The following PCBP2 variants were observed in gnomAD, a reference collection of about 807,000 sequenced individuals.
The protein encoded by PCBP2 is poly(rC) binding protein 2, also known as poly(rC)-binding protein 2.
PCBP2 carries 4 observed loss-of-function variants against 50.1 expected under a neutral mutation model. That is an observed-to-expected ratio of 0.08 (90% CI 0.04 to 0.18). The LOEUF is 0.18. Ranked by LOEUF, PCBP2 falls within the 10% of genes least tolerant of loss-of-function variation. The pLI is 1.00. For synonymous variants in PCBP2, 179 were observed against 168.0 expected, an observed-to-expected ratio of 1.07 and a Z score of -0.51; for missense variants, 161 against 474.3, an observed-to-expected ratio of 0.34 and a Z score of 6.14.
At chr12:53,471,860 T>C in intron 14 of PCBP2, 53 bp downstream of exon 14, 3 of 1,518,208 alleles carry the variant, frequency 2.0e-6, no homozygotes, top group Non-Finnish European at 2.7e-6. Context: ...AATGTGTGTG[T>C]TGGGGAGAGC....
chr12:53,459,457 C>T, intron 6 of PCBP2, 54 bp downstream of exon 6: 6 of 1,547,690 alleles, frequency 3.9e-6, no homozygotes, highest in Non-Finnish European at 5.3e-6. Flanking sequence ...TCCAAATTGG[C>T]TCTTTGTATG....
At chr12:53,465,057 T>A (rs77806398) in intron 9 of PCBP2, 129 of 443,052 alleles carry the variant, frequency 2.9e-4, no homozygotes, top group Middle Eastern at 6.1e-4. Context: ...TTTTTTTTTT[T>A]AATTTTTTTT....
rs368962465 is a variant in PCBP2 at position 53,464,803 on chromosome 12, C to G, written c.623C>G (p.Thr208Ser). 1.9e-6 allele frequency: 3 copies of G among 1,611,838 alleles called. No individual in the cohort carries two copies. The highest frequency in any genetic ancestry group is 2.7e-5 in the African/African-American group (2 of 74,684). Residue 208 changes from threonine to serine, a missense_variant, in exon 9 of 15, where the codon ACC becomes AGC. Transcript: ENST00000546463. ...AGCGACAGTGCGAGCTTTCCCCACA[C>G]CACCCCGTCCATGTGCCTCAACCCT... ...TGSDSASFPHTTPSMCLNPDL... is the reference protein window; with the variant it reads ...TGSDSASFPHSTPSMCLNPDL...
intron 14 of PCBP2, among the ~76,000 whole-genome samples, chr12:53,478,805 CAATA>C (rs1291673680): frequency 2.8e-4 from 43 of 152,008 alleles, no homozygotes; most frequent in African/African-American, 1.0e-3. Context: ...GACTCTGTCT[CAATA>C]AATAAGTAAA....
chr12:53,464,508 A>G (rs1565864724), intron 8 of PCBP2: 5 of 445,948 alleles, frequency 1.1e-5, no homozygotes, highest in Non-Finnish European at 2.0e-5. Context: ...CACACTGACC[A>G]GGAGCTGGCA....
At chr12:53,453,093 C>T (rs1383821374) in intron 1 of PCBP2, 3 of 151,964 alleles carry the variant, frequency 2.0e-5, no homozygotes, top group Non-Finnish European at 4.4e-5. Context: ...GTACCTTTAT[C>T]TTGACCTAGT....
chr12:53,467,292 T>C lies in PCBP2; in HGVS notation c.786T>C (p.Ser262=). 1 of 1,610,570 alleles carries C rather than the reference T, an allele frequency of 6.2e-7. No individual in the cohort carries two copies. Among genetic ancestry groups the C allele is most frequent in the Non-Finnish European group, 8.5e-7 (1 of 1,176,752 alleles). ...FPMTHGNTGF[S]GIESSSPEVK... ...TGACGCATGGCAACACCGGATTCAG[T>C]GGTATGGATACCTCAGTGTTTATTT... Residue 262 remains serine (S), a splice_region_variant and synonymous_variant, in exon 11 of 15, where the codon AGT becomes AGC. Transcript: ENST00000546463.
Position 53,455,644 on chromosome 12 carries a change from GTA to G in PCBP2, c.126+153_126+154del, listed in dbSNP as rs1188540510. 5.9e-6 allele frequency: 5 copies of G among 848,526 alleles called. No individual in the cohort carries two copies. The African/African-American group carries it at 8.6e-5, about 15-fold the overall frequency. 52.6% of individuals were successfully genotyped at this position (848,526 alleles called of 1,614,324 possible). A position where few individuals can be genotyped will look rare whatever the true frequency, so the allele number is the denominator to read the frequency against. ...TATTTGTAGTGATAATCTGGGGAGTGTATTTTTTTTTTCCCCTTTTTGGGAAG... is the reference window on the plus strand; with the variant it reads ...TATTTGTAGTGATAATCTGGGGAGTGTTTTTTTTTTCCCCTTTTTGGGAAG... On this transcript the variant is annotated intron_variant, in intron 4 of 14. Transcript: ENST00000546463.
intron 14 of PCBP2, among the ~76,000 whole-genome samples, chr12:53,478,298 A>G (rs1385890143): frequency 6.6e-6 from 1 of 152,162 alleles, no homozygotes; most frequent in Non-Finnish European, 1.5e-5. Flanking sequence ...ACCTGAGGTC[A>G]GAAGTTTGAG....
Position 53,466,997 on chromosome 12 carries a change from A to G in PCBP2, c.715-224A>G, listed in dbSNP as rs12831185. ...TGTTGCTTTTCTATTCCCACACCCA[A>G]AAGGCATTCATTCTCTTCCAGGCAC... On this transcript the variant is annotated intron_variant, in intron 10 of 14. Transcript: ENST00000546463. Among the ~76,000 whole-genome samples, 17,065 of 152,036 alleles carry G rather than the reference A, an allele frequency of 0.11. 1,225 individuals carry two copies. The highest frequency in any genetic ancestry group is 0.17 in the Middle Eastern group (50 of 294).
intron 7 of PCBP2, 137 bp from the exon 8 acceptor site, chr12:53,462,356 A>G (rs1454954889): frequency 1.6e-6 from 1 of 606,472 alleles, no homozygotes; most frequent in East Asian, 2.8e-5. Context: ...GATTAGATCT[A>G]GCCAGAGACA....
intron 2 of PCBP2, 130 bp downstream of exon 2, chr12:53,454,999 A>C (rs1401085213): frequency 2.6e-6 from 2 of 774,912 alleles, no homozygotes; most frequent in Non-Finnish European, 4.5e-6. Flanking sequence ...TCCCTAATGG[A>C]GTAGAAGTGA....
intron 1 of PCBP2, 186 bp from the exon 2 acceptor site, chr12:53,454,536 CTTCT>C: frequency 2.2e-6 from 1 of 459,164 alleles, no homozygotes; most frequent in Non-Finnish European, 4.0e-6. Context: ...GGAAAGTTGC[CTTCT>C]ATACTGTGTA....
At chr12:53,465,836 A>T (rs755528577) in intron 9 of PCBP2, 96 bp from the exon 10 acceptor site, 19 of 940,806 alleles carry the variant, frequency 2.0e-5, no homozygotes, top group Admixed American at 1.4e-4. Flanking sequence ...CTCTAGTTCA[A>T]CTCTGGCTTC....
At chr12:53,465,212 C>T (rs1432700981) in intron 9 of PCBP2, among the ~76,000 whole-genome samples, 1 of 152,030 alleles carries the variant, frequency 6.6e-6, no homozygotes, top group Non-Finnish European at 1.5e-5. Context: ...CTTCCATCCC[C>T]TCCCTCCCTG....
At chr12:53,452,837 C>G (rs535299293) in intron 1 of PCBP2, 5 of 152,162 alleles carry the variant, frequency 3.3e-5, no homozygotes, top group Admixed American at 6.5e-5. Context: ...TTTTTTCCCC[C>G]CTCTTTCTAG....
chr12:53,472,310 TTGTGGGAA>T (rs1283088443), intron 14 of PCBP2, among the ~76,000 whole-genome samples: 1 of 152,226 alleles, frequency 6.6e-6, no homozygotes, highest in African/African-American at 2.4e-5. Context: ...TATTCAGAGC[TTGTGGGAA>T]TGTGGGAAGC....
intron 13 of PCBP2, among the ~76,000 whole-genome samples, chr12:53,469,989 C>T (rs1056011336): frequency 6.6e-6 from 1 of 151,918 alleles, no homozygotes; most frequent in African/African-American, 2.4e-5. Context: ...TACGTGATCC[C>T]CCCCCTTCAG....
rs375807686 is a variant in PCBP2, at chr12:53,461,099, T to G, written c.460T>G (p.Ser154Ala). Reference protein sequence around the residue: ...RAITIAGIPQSIIECVKQICV... With the variant: ...RAITIAGIPQAIIECVKQICV... ...CATCACTATTGCTGGCATTCCACAA[T>G]CCATCATTGAGTGTGTCAAACAGAT... The change falls in exon 7 of 15, where the codon TCC (serine) becomes GCC (alanine). Residue 154 changes from serine to alanine, a missense_variant. Ser to Ala is a moderately conservative substitution (Grantham distance 99). Coordinates refer to ENST00000546463, the MANE Select transcript of PCBP2 (RefSeq NM_031989.5). The G allele has an allele frequency of 3.7e-6, 6 of 1,613,990 alleles. No individual in the cohort carries two copies. The highest frequency in any genetic ancestry group is 5.1e-6 in the Non-Finnish European group (6 of 1,180,004).
Sources: allele counts gnomAD v4.1 joint callset (sites outside exome capture counted in the v4.1 genomes callset), GRCh38; gene constraint gnomAD v4.1.1; transcripts MANE v1.5; gene names NCBI Gene and HGNC (gene_info 2026-07-23, HGNC 2026-07-21).